The following TEAD3 variants were observed in gnomAD, a reference collection of about 807,000 sequenced individuals.
The protein encoded by TEAD3 is transcriptional enhancer factor TEF-5.
In TEAD3, 15 loss-of-function variants were observed where a neutral mutation model predicts 55.6. The observed-to-expected ratio is 0.27, with a 90% CI of 0.18 to 0.42. The LOEUF is 0.42. Ranked by LOEUF, TEAD3 falls within the 10% of genes least tolerant of loss-of-function variation. The pLI, the probability that TEAD3 is intolerant of heterozygous loss-of-function variation, is 1.00. For synonymous variants in TEAD3, 210 were observed against 232.2 expected (o/e 0.90, Z 0.87); for missense variants, 407 against 576.8 (o/e 0.71, Z 3.01).
intron 1 of TEAD3, among the ~76,000 whole-genome samples, chr6:35,487,867 G>C (rs1768420059): frequency 6.6e-6 from 1 of 152,206 alleles, no homozygotes; most frequent in East Asian, 1.9e-4. Context: ...GCATGCTGAG[G>C]AGCACAGAGA....
intron 4 of TEAD3, chr6:35,479,932 G>T: frequency 3.8e-6 from 3 of 782,152 alleles, no homozygotes; most frequent in Non-Finnish European, 5.6e-6. Flanking sequence ...TGCCACTTGT[G>T]TTTCTTTCTG....
In TEAD3 at chr6:35,487,950, C is replaced by T. The variant is rs377354269; in HGVS notation, c.-49-1239G>A. The stretch of plus-strand genomic sequence containing the variant: ...CTCCTCCTCCCCAGTGTCCACATCC[C>T]CAGTCAGGGACCTCCACCCCTCACT... On this transcript the variant is annotated intron_variant, in intron 1 of 12. Coordinates refer to ENST00000639578, the Ensembl canonical transcript of TEAD3. 1.5e-4 allele frequency among the ~76,000 whole-genome samples: 23 copies of T among 152,264 alleles called. No individual in the cohort carries two copies. In the East Asian group the frequency reaches 3.5e-3, roughly 23 times the overall value.
In TEAD3 at chr6:35,488,700, A is replaced by T. The variant is rs556534878; in HGVS notation, c.-49-1989T>A. ...CTGAATGTCAGCCAGTTATTCGGTT[A>T]TTTTTTTTCTTTTTTAAATTTTTTA... On this transcript the variant is annotated intron_variant, in intron 1 of 12. Coordinates refer to ENST00000639578, the Ensembl canonical transcript of TEAD3. The surrounding 1 kb of genome is among the most constrained non-coding windows in gnomAD (Gnocchi z 4.2). Among the ~76,000 whole-genome samples the T allele has an allele frequency of 4.6e-5, 7 of 151,506 alleles. No homozygotes were observed. Among genetic ancestry groups the T allele is most frequent in the African/African-American group, 7.3e-5 (3 of 41,214 alleles).
intron 4 of TEAD3, among the ~76,000 whole-genome samples, chr6:35,479,822 A>C (rs568869345): frequency 7.0e-4 from 106 of 152,350 alleles, no homozygotes; most frequent in African/African-American, 2.3e-3. Flanking sequence ...AGCAGTCAGG[A>C]AGAAGGAGAA....
chr6:35,478,172 G>C (rs1245257420), intron 7 of TEAD3, 103 bp downstream of exon 7: 4 of 1,423,426 alleles, frequency 2.8e-6, no homozygotes, highest in African/African-American at 1.4e-5. Context: ...CTCTATTTTT[G>C]AATTAAAACT....
rs868238072 is a variant in TEAD3, at chr6:35,483,854, C to G, written c.267+706G>C. ...GGGCTTGAAGAAGTTACTTAACTTC[C>G]CTATGCATCAGTTTCCTCATAGTAA... On this transcript the variant is annotated intron_variant, in intron 3 of 12. Coordinates refer to ENST00000639578, the Ensembl canonical transcript of TEAD3. The surrounding 1 kb of genome is among the most constrained non-coding windows in gnomAD (Gnocchi z 4.5). Among the ~76,000 whole-genome samples, 1 of 152,034 alleles carries G rather than the reference C, an allele frequency of 6.6e-6. No individual in the cohort carries two copies. The highest frequency in any genetic ancestry group is 1.5e-5 in the Non-Finnish European group (1 of 68,002).
chr6:35,496,928 G>C lies in TEAD3; in HGVS notation c.-80C>G, dbSNP rs1200547863. ...CCGAGCTCGCGGGGGCGCTCCGGCC[G>C]GGCCGCTCCGCCGGGCCCGAGGGAG... is the stretch of plus-strand genomic sequence containing the variant. On this transcript the variant is annotated 5_prime_UTR_variant, in exon 1 of 13. Coordinates refer to ENST00000639578, the Ensembl canonical transcript of TEAD3. This position sits in a 1 kb window ranked among gnomAD's most constrained non-coding sequence, Gnocchi z 4.8. 6.6e-6 allele frequency: 1 copy of C among 151,266 alleles called. No individual in the cohort carries two copies. The highest frequency in any genetic ancestry group is 2.1e-4 in the South Asian group (1 of 4,802). The allele number at this position is 151,266 out of a possible 1,614,324, so 9.4% of individuals were successfully genotyped here.
rs534795929 is a variant in TEAD3 at position 35,491,377 on chromosome 6, T to C, written c.-49-4666A>G. On this transcript the variant is annotated intron_variant, in intron 1 of 12. Coordinates refer to ENST00000639578, the Ensembl canonical transcript of TEAD3. The surrounding 1 kb of genome is among the most constrained non-coding windows in gnomAD (Gnocchi z 4.4). Reference sequence around the variant, plus strand: ...GAGGGGTAGACCAGAAACTCAGATATGATAGGCATCGAGGGAGGGGCAGAC... The same window carrying C: ...GAGGGGTAGACCAGAAACTCAGATACGATAGGCATCGAGGGAGGGGCAGAC... Among the ~76,000 whole-genome samples, 154 of 150,742 alleles carry C rather than the reference T, an allele frequency of 1.0e-3. No homozygotes were observed. Among genetic ancestry groups the C allele is most frequent in the African/African-American group, 3.5e-3 (145 of 40,972 alleles).
rs923495735 is a variant in TEAD3 at position 35,485,330 on chromosome 6, C to T, written c.203-706G>A. ...TGAGAGCCTTGTGAGCCTTGGGGTGCGGGGTCTGTTCTGCACCACAGACCC... is the reference window on the plus strand; with the variant it reads ...TGAGAGCCTTGTGAGCCTTGGGGTGTGGGGTCTGTTCTGCACCACAGACCC... On this transcript the variant is annotated intron_variant, in intron 2 of 12. Transcript: ENST00000639578. This position sits in a 1 kb window ranked among gnomAD's most constrained non-coding sequence, Gnocchi z 4.3. Among the ~76,000 whole-genome samples, 7 of 151,904 alleles carry T rather than the reference C, an allele frequency of 4.6e-5. No individual in the cohort carries two copies. The highest frequency in any genetic ancestry group is 1.2e-4 in the African/African-American group (5 of 41,230).
At position 35,486,760 on chromosome 6, in the gene TEAD3, A is replaced by G; in HGVS notation, c.-49-49T>C. On this transcript the variant is annotated intron_variant, in intron 1 of 12. Transcript: ENST00000639578. The surrounding 1 kb of genome is among the most constrained non-coding windows in gnomAD (Gnocchi z 7.3). ...TGGGACCAGGGTCCTCCTCGACCAC[A>G]GCAATCTCCTATCCCACAGCCGCTG... 1 of 1,337,258 alleles carries G rather than the reference A, an allele frequency of 7.5e-7. No individual in the cohort carries two copies. The highest frequency in any genetic ancestry group is 1.0e-6 in the Non-Finnish European group (1 of 967,494). 82.8% of individuals were successfully genotyped at this position (1,337,258 alleles called of 1,614,324 possible).
intron 3 of TEAD3, among the ~76,000 whole-genome samples, chr6:35,482,291 A>G (rs182227374): frequency 1.3e-3 from 198 of 152,330 alleles, no homozygotes; most frequent in Non-Finnish European, 2.5e-3. Flanking sequence ...AAGGATCAAA[A>G]AAAACCTTGT....
intron 6 of TEAD3, 42 bp downstream of exon 6, chr6:35,478,392 C>T (rs1768196854): frequency 1.2e-6 from 2 of 1,613,586 alleles, no homozygotes; most frequent in African/African-American, 1.3e-5. Context: ...TCATCCTTTA[C>T]AGCACACCCC....
chr6:35,495,463 G>C (rs926798137), intron 1 of TEAD3, among the ~76,000 whole-genome samples: 4 of 152,134 alleles, frequency 2.6e-5, no homozygotes, highest in Non-Finnish European at 4.4e-5. Flanking sequence ...GACTCATACT[G>C]GCTCCTACCC....
intron 3 of TEAD3, 77 bp downstream of exon 4, chr6:35,480,235 G>A: frequency 6.4e-7 from 1 of 1,571,570 alleles, no homozygotes; most frequent in Non-Finnish European, 8.6e-7. Context: ...CCAAGGAAAG[G>A]CCTGAGCTAT....
rs969602742 is a variant in TEAD3 at position 35,483,094 on chromosome 6, C to T, written c.267+1466G>A. On this transcript the variant is annotated intron_variant, in intron 3 of 12. Coordinates refer to ENST00000639578, the Ensembl canonical transcript of TEAD3. This position sits in a 1 kb window ranked among gnomAD's most constrained non-coding sequence, Gnocchi z 4.5. ...CTCCAGGGGACAGGGCTCTGGCGCA[C>T]GCCTCCATGTGGTATCCCTGGTGCC... Among the ~76,000 whole-genome samples, 7 of 152,196 alleles carry T rather than the reference C, an allele frequency of 4.6e-5. No individual in the cohort carries two copies. The highest frequency in any genetic ancestry group is 3.3e-4 in the Admixed American group (5 of 15,282).
chr6:35,476,371 G>A, exon 9 of TEAD3: 3 of 1,612,958 alleles, frequency 1.9e-6, no homozygotes, highest in Non-Finnish European at 2.5e-6. Flanking sequence ...AGGAGGCAAT[G>A]GTACGGTCCT....
chr6:35,485,588 A>C lies in TEAD3; in HGVS notation c.202+873T>G, dbSNP rs932767021. ...CCTCCCGCCAGCCCCTCTCCACCCC[A>C]CTCTCTCCACCCTGTCTAAAAATAC... On this transcript the variant is annotated intron_variant, in intron 2 of 12. Transcript: ENST00000639578. The surrounding 1 kb of genome is among the most constrained non-coding windows in gnomAD (Gnocchi z 4.3). 6.7e-6 allele frequency among the ~76,000 whole-genome samples: 1 copy of C among 148,164 alleles called. No homozygotes were observed. The highest frequency in any genetic ancestry group is 1.5e-5 in the Non-Finnish European group (1 of 66,726).
rs752451994 is a variant in TEAD3, at chr6:35,483,777, C to T, written c.267+783G>A. Among the ~76,000 whole-genome samples the T allele has an allele frequency of 6.6e-6, 1 of 152,174 alleles. No individual in the cohort carries two copies. The highest frequency in any genetic ancestry group is 1.5e-5 in the Non-Finnish European group (1 of 68,030). ...TGTCCCCTACCCCAGCAGTCCCCAC[C>T]CTCCCTCCACCACATCAGGCTGCCC... On this transcript the variant is annotated intron_variant, in intron 3 of 12. Coordinates refer to ENST00000639578, the Ensembl canonical transcript of TEAD3. The surrounding 1 kb of genome is among the most constrained non-coding windows in gnomAD (Gnocchi z 4.5).
At chr6:35,477,410 C>A (rs370407743) in intron 7 of TEAD3, 38 bp from the exon 8 acceptor site, 86 of 1,569,626 alleles carry the variant, frequency 5.5e-5, no homozygotes, top group Non-Finnish European at 6.9e-5. Context: ...AGGGTTCCCT[C>A]TTCCCTACCT....
Sources: allele counts gnomAD v4.1 joint callset (sites outside exome capture counted in the v4.1 genomes callset), GRCh38; gene constraint gnomAD v4.1.1; non-coding constraint Gnocchi (gnomAD v3.1); transcripts MANE v1.5; gene names NCBI Gene and HGNC (gene_info 2026-07-23, HGNC 2026-07-21).